The following MATR3 variants were observed in gnomAD, a reference collection of about 807,000 sequenced individuals.
The protein encoded by MATR3 is matrin 3.
MATR3 carries 4 observed loss-of-function variants against 85.5 expected under a neutral mutation model. That is an observed-to-expected ratio of 0.05 (90% CI 0.02 to 0.11). The LOEUF (loss-of-function observed/expected upper bound fraction) is 0.11. Ranked by LOEUF, MATR3 falls within the 10% of genes least tolerant of loss-of-function variation. MATR3 has a pLI of 1.00. For missense variants in MATR3, 685 were observed against 1,016.1 expected (o/e 0.67, Z 4.43); for synonymous variants, 336 against 343.1 (o/e 0.98, Z 0.23).
intron 7 of MATR3, 76 bp downstream of exon 7, chr5:139,317,797 T>C (rs1250364817): frequency 7.2e-7 from 1 of 1,392,726 alleles, no homozygotes; most frequent in Admixed American, 2.1e-5. Flanking sequence ...AATGATTTTG[T>C]ATTAGAAAAA....
intron 1 of MATR3, among the ~76,000 whole-genome samples, chr5:139,304,693 A>G (rs1224216932): frequency 2.6e-5 from 4 of 152,180 alleles, no homozygotes; most frequent in African/African-American, 7.2e-5. Context: ...TTGATAATAA[A>G]TGTTCTCCCA....
rs1433001652 is a variant in MATR3, at chr5:139,313,352, A to G, written c.913-1323A>G. The G allele has an allele frequency of 4.2e-5, 6 of 141,888 alleles. No homozygotes were observed. The South Asian group carries it at 6.5e-4, about 15-fold the overall frequency. 8.8% of individuals were successfully genotyped at this position (141,888 alleles called of 1,614,324 possible). On this transcript the variant is annotated intron_variant, in intron 2 of 14. Transcript: ENST00000394805. ...CTTTTTTTTTTTTTTTTTTTAGCACATTCCATGTGCCTGGCAAGGGTCTGA... is the reference window on the plus strand; with the variant it reads ...CTTTTTTTTTTTTTTTTTTTAGCACGTTCCATGTGCCTGGCAAGGGTCTGA...
chr5:139,289,028 C>G (rs570253700), upstream of MATR3, among the ~76,000 whole-genome samples: 7 of 152,174 alleles, frequency 4.6e-5, no homozygotes, highest in South Asian at 1.2e-3. Flanking sequence ...GTGATTTGCC[C>G]GTCTCAGCCT....
intron 14 of MATR3, among the ~76,000 whole-genome samples, chr5:139,328,895 C>T (rs979452060): frequency 2.0e-5 from 3 of 151,964 alleles, no homozygotes; most frequent in African/African-American, 4.8e-5. Context: ...ATCCCAGCTG[C>T]TTGGGAGGCT....
chr5:139,319,553 A>T (rs759150995), intron 9 of MATR3, 52 bp downstream of exon 9: 6 of 1,512,194 alleles, frequency 4.0e-6, no homozygotes, highest in Non-Finnish European at 5.5e-6. Context: ...AATCCTTAAG[A>T]TTTTTCAATA....
intron 1 of MATR3, among the ~76,000 whole-genome samples, chr5:139,297,608 C>T (rs150096117): frequency 6.6e-6 from 1 of 152,288 alleles, no homozygotes; most frequent in African/African-American, 2.4e-5. Flanking sequence ...TGATAAAGTG[C>T]TGTTATCTGA....
Position 139,308,276 on chromosome 5 carries a change from G to T in MATR3, c.861G>T (p.Lys287Asn). 1.2e-6 allele frequency: 2 copies of T among 1,614,082 alleles called. No homozygotes were observed. Among genetic ancestry groups the T allele is most frequent in the Non-Finnish European group, 1.7e-6 (2 of 1,179,992 alleles). ...NIEDFHGLLP[K>N]GYPHLCSICD... Reference sequence around the variant, plus strand: ...AAGACTTCCATGGACTCTTACCGAAGGGTTATCCCCATCTGTGCTCTATAT... The same window carrying T: ...AAGACTTCCATGGACTCTTACCGAATGGTTATCCCCATCTGTGCTCTATAT... Residue 287 changes from lysine (K) to asparagine (N), a missense_variant, in exon 2 of 15, where the codon AAG becomes AAT. This residue lies in a region of MATR3 where 223 missense variants were observed against 334.4 expected (regional missense o/e 0.67). Transcript: ENST00000394805.
In MATR3 at chr5:139,308,067, G is replaced by A; in HGVS notation, c.652G>A (p.Asp218Asn). 1 of 1,614,130 alleles carries A rather than the reference G, an allele frequency of 6.2e-7. No individual in the cohort carries two copies. The highest frequency in any genetic ancestry group is 8.5e-7 in the Non-Finnish European group (1 of 1,180,016). The stretch of plus-strand genomic sequence containing the variant: ...AGAATCTGGTTATTATGACAGAATG[G>A]ATTATGAAGATGACAGATTAAGAGA... ...SQESGYYDRMDYEDDRLRDGE... is the reference protein window; with the variant it reads ...SQESGYYDRMNYEDDRLRDGE... Residue 218 changes from aspartate (D) to asparagine (N), a missense_variant, in exon 2 of 15, where the codon GAT (aspartate) becomes AAT (asparagine). Physicochemically the swap from Asp to Asn is conservative, Grantham distance 23. Coordinates refer to ENST00000394805, the MANE Select transcript of MATR3 (RefSeq NM_018834.6).
intron 2 of MATR3, chr5:139,310,410 C>G (rs753351727): frequency 2.0e-5 from 3 of 152,110 alleles, no homozygotes; most frequent in Admixed American, 6.5e-5. Flanking sequence ...ATCTGAATTT[C>G]TAGTTTTCTA....
At chr5:139,316,001 C>T in intron 4 of MATR3, 75 bp from the exon 5 acceptor site, 2 of 1,142,382 alleles carry the variant, frequency 1.8e-6, no homozygotes, top group Non-Finnish European at 2.7e-6. Flanking sequence ...TATTGGGGTG[C>T]TTTAACATTT....
chr5:139,304,906 G>C (rs1040522102), intron 1 of MATR3, among the ~76,000 whole-genome samples: 1 of 152,156 alleles, frequency 6.6e-6, no homozygotes, highest in Non-Finnish European at 1.5e-5. Context: ...TACATCTTAT[G>C]TTCAGCATTG....
chr5:139,303,665 A>G (rs988855042), intron 1 of MATR3, among the ~76,000 whole-genome samples: 23 of 152,032 alleles, frequency 1.5e-4, no homozygotes, highest in African/African-American at 5.6e-4. Context: ...TGGGAGGCAG[A>G]GGTTACAGTG....
intron 1 of MATR3, among the ~76,000 whole-genome samples, chr5:139,300,525 A>T (rs75110530): frequency 6.6e-6 from 1 of 152,198 alleles, no homozygotes; most frequent in Non-Finnish European, 1.5e-5. Context: ...TTTTGCCTCT[A>T]AAAGTTTTTC....
chr5:139,276,672 T>A (rs1753287501), intron 2 of MATR3, among the ~76,000 whole-genome samples: 1 of 151,854 alleles, frequency 6.6e-6, no homozygotes, highest in African/African-American at 2.4e-5. Context: ...GAAGAGGGGG[T>A]TGGTAAAAAT....
At chr5:139,328,774 G>A (rs1755983008) in intron 14 of MATR3, among the ~76,000 whole-genome samples, 1 of 152,154 alleles carries the variant, frequency 6.6e-6, no homozygotes, top group African/African-American at 2.4e-5. Flanking sequence ...GGCGGGGACA[G>A]GCAGATCACC....
chr5:139,325,441 T>C lies in MATR3; in HGVS notation c.2150T>C (p.Val717Ala). The change falls in exon 13 of 15, where the codon GTG becomes GCG. Residue 717 changes from valine (V) to alanine (A), a missense_variant and splice_region_variant. Val to Ala is a moderately conservative substitution (Grantham distance 64). This residue lies in a region of MATR3 where 215 missense variants were observed against 194.7 expected (regional missense o/e 1.10). Transcript: ENST00000394805. ...GATGATGGTTTGGTTGAAATTAAGG[T>C]GGACAAGATCGAGGAACTTGATCAA... The part of the protein sequence containing the change: ...SAAAKKKLKK[V>A]DKIEELDQEN... The C allele has an allele frequency of 6.2e-7, 1 of 1,614,148 alleles. No homozygotes were observed.
At chr5:139,299,307 G>T (rs59442457) in intron 1 of MATR3, among the ~76,000 whole-genome samples, 22 of 152,272 alleles carry the variant, frequency 1.4e-4, no homozygotes, top group Admixed American at 1.2e-3. Flanking sequence ...AGACGTTTCT[G>T]TAAGGTGTTT....
chr5:139,286,804 A>G (rs536315586), intron 3 of MATR3, among the ~76,000 whole-genome samples: 44 of 151,200 alleles, frequency 2.9e-4, no homozygotes, highest in African/African-American at 1.1e-3. Flanking sequence ...AGATCATGCC[A>G]CTATACTCCA....
rs1755621077 is a variant in MATR3 at position 139,322,459 on chromosome 5, T to C, written c.1735-4T>C. 1.3e-6 allele frequency: 2 copies of C among 1,595,264 alleles called. No individual in the cohort carries two copies. The highest frequency in any genetic ancestry group is 1.7e-5 in the Admixed American group (1 of 59,760). ...TTAACTTCTGCAAAACTTTTGTCTT[T>C]TAGATTCCAAACAGAGGCATTGATT... On this transcript the variant is annotated splice_polypyrimidine_tract_variant and splice_region_variant and intron_variant, in intron 10 of 14. Transcript: ENST00000394805.
Sources: allele counts gnomAD v4.1 joint callset (sites outside exome capture counted in the v4.1 genomes callset), GRCh38; gene constraint gnomAD v4.1.1; regional missense constraint gnomAD v4.1.1; transcripts MANE v1.5; gene names NCBI Gene and HGNC (gene_info 2026-07-23, HGNC 2026-07-21).